CMPK2: variants seen among roughly 807,000 people sequenced by gnomAD.
CMPK2 encodes the protein UMP-CMP kinase 2, mitochondrial.
Under a neutral mutation model 33.4 loss-of-function variants are expected in CMPK2, and 32 were observed. The observed-to-expected ratio is 0.96, with a 90% confidence interval of 0.72 to 1.29. The LOEUF is 1.29. CMPK2 is among the 50% of genes most tolerant of loss of function. The pLI, the probability that CMPK2 is intolerant of heterozygous loss-of-function variation, is 0.00. For synonymous variants in CMPK2, 299 were observed against 275.3 expected (o/e 1.09, Z -0.85); for missense variants, 672 against 616.0 (o/e 1.09, Z -0.96).
chr2:6,865,224 C>T lies in CMPK2; in HGVS notation c.473G>A (p.Arg158His). Reference protein sequence around the residue: ...ELLGACQEAPRPHLGEFEADP... With the variant: ...ELLGACQEAPHPHLGEFEADP... ...GGCCTCGAACTCGCCCAAGTGCGGGCGTGGTGCCTCCTGACAGGCGCCCAG... is the reference window on the plus strand; with the variant it reads ...GGCCTCGAACTCGCCCAAGTGCGGGTGTGGTGCCTCCTGACAGGCGCCCAG... Residue 158 changes from arginine to histidine, a missense_variant, in exon 1 of 5, where the codon CGC becomes CAC. Transcript: ENST00000256722. 3 of 1,535,204 alleles carry T rather than the reference C, an allele frequency of 2.0e-6. No individual in the cohort carries two copies. Among genetic ancestry groups the T allele is most frequent in the Non-Finnish European group, 8.7e-7 (1 of 1,146,718 alleles).
intron 2 of CMPK2, among the ~76,000 whole-genome samples, chr2:6,862,361 C>T (rs1386520594): frequency 6.6e-6 from 1 of 152,156 alleles, no homozygotes; most frequent in Non-Finnish European, 1.5e-5. Context: ...CCAAACTCAC[C>T]CTCCTGATAG....
In CMPK2 at chr2:6,865,665, G is replaced by C; in HGVS notation, c.32C>G (p.Pro11Arg). Residue 11 changes from proline to arginine, a missense_variant, in exon 1 of 5, where the codon CCA becomes CGA. By Grantham distance (103) the Pro-to-Arg change is moderately radical. Transcript: ENST00000256722. Reference protein sequence around the residue: MAFARRLLRGPLSGPLLGRRG... With the variant: MAFARRLLRGRLSGPLLGRRG... The stretch of plus-strand genomic sequence containing the variant: ...CCGCCCGAGCAGCGGCCCCGACAGT[G>C]GCCCGCGCAGGAGCCGGCGGGCGAA... 7.6e-7 allele frequency: 1 copy of C among 1,311,696 alleles called. No homozygotes were observed. The highest frequency in any genetic ancestry group is 2.2e-5 in the South Asian group (1 of 45,046). 81.3% of individuals were successfully genotyped at this position (1,311,696 alleles called of 1,614,324 possible).
intron 3 of CMPK2, among the ~76,000 whole-genome samples, chr2:6,843,034 T>C (rs1458729163): frequency 6.6e-6 from 1 of 152,220 alleles, no homozygotes. Flanking sequence ...GAATATCATC[T>C]ACTTATTGTA....
chr2:6,846,430 CT>C (rs1196364069), downstream of CMPK2, among the ~76,000 whole-genome samples: 1 of 148,476 alleles, frequency 6.7e-6, no homozygotes, highest in Non-Finnish European at 1.5e-5. Context: ...CTTGAATTCC[CT>C]GTTTCCAGGA....
intron 3 of CMPK2, chr2:6,840,689 G>T (rs1232214737): frequency 1.4e-6 from 1 of 701,808 alleles, no homozygotes; most frequent in East Asian, 2.7e-5. Flanking sequence ...CTAGAGAGGG[G>T]AAAAGAGAGG....
At chr2:6,851,145 A>G (rs1662509396) in intron 4 of CMPK2, 1 of 1,213,270 alleles carries the variant, frequency 8.2e-7, no homozygotes, top group South Asian at 1.7e-5. Flanking sequence ...TGATTATACT[A>G]TGACTGGGGA....
rs1439666595 is a variant in CMPK2, at chr2:6,861,206, T to C, written c.970A>G (p.Lys324Glu). The C allele has an allele frequency of 6.2e-7, 1 of 1,614,116 alleles. No individual in the cohort carries two copies. The change falls in exon 3 of 5, where the codon AAA (lysine) becomes GAA (glutamate). Residue 324 changes from lysine to glutamate, a missense_variant. Lys to Glu is a moderately conservative substitution (Grantham distance 56). Transcript: ENST00000256722. ...VASEIAKESA[K>E]SPVIVDRYWH... The stretch of plus-strand genomic sequence containing the variant: ...TACCTGTCTACAATCACAGGAGATT[T>C]GGCAGATTCTTTAGCTATTTCGGAG...
intron 2 of CMPK2, 106 bp downstream of exon 2, chr2:6,863,358 C>T (rs749448150): frequency 7.8e-5 from 69 of 884,834 alleles, no homozygotes; most frequent in Non-Finnish European, 1.3e-4. Context: ...ACAGTAGGGG[C>T]ACACATAAGG....
Position 6,865,519 on chromosome 2 carries a change from G to C in CMPK2, c.178C>G (p.Pro60Ala). ...GGCCCCAGCAGCGCCGCCAGGCGGGGGTCGGGGGCGTCTGCGTCGCCGGGG... is the reference window on the plus strand; with the variant it reads ...GGCCCCAGCAGCGCCGCCAGGCGGGCGTCGGGGGCGTCTGCGTCGCCGGGG... Reference protein sequence around the residue: ...DAPGDADAPDPRLAALLGPPE... With the variant: ...DAPGDADAPDARLAALLGPPE... The change falls in exon 1 of 5, where the codon CCC (proline) becomes GCC (alanine). Residue 60 changes from proline (P) to alanine (A), a missense_variant. Pro to Ala is a conservative substitution (Grantham distance 27). Coordinates refer to ENST00000256722, the MANE Select transcript of CMPK2 (RefSeq NM_207315.4). 7.8e-7 allele frequency: 1 copy of C among 1,286,538 alleles called. No homozygotes were observed. The highest frequency in any genetic ancestry group is 2.4e-5 in the South Asian group (1 of 41,410). 79.7% of individuals were successfully genotyped at this position (1,286,538 alleles called of 1,614,324 possible).
intron 2 of CMPK2, chr2:6,862,158 CAACT>C (rs1443489072): frequency 1.3e-5 from 2 of 152,170 alleles, no homozygotes; most frequent in African/African-American, 4.8e-5. Flanking sequence ...ACTTTATTGC[CAACT>C]ATCTATTTTC....
In CMPK2 at chr2:6,848,467, C is replaced by A. The variant is rs371540948; in HGVS notation, c.*1383G>T. The A allele has an allele frequency of 1.0e-6, 1 of 979,344 alleles. No individual in the cohort carries two copies. Among genetic ancestry groups the A allele is most frequent in the East Asian group, 1.1e-4 (1 of 8,784 alleles). 60.7% of individuals were successfully genotyped at this position (979,344 alleles called of 1,614,324 possible). On this transcript the variant is annotated 3_prime_UTR_variant, in exon 5 of 5. Coordinates refer to ENST00000256722, the MANE Select transcript of CMPK2 (RefSeq NM_207315.4). ...AGCTAGATACCACATTGCAAAGAAC[C>A]CTAATGCTATTTATCAGCTTTAAAA... is the stretch of plus-strand genomic sequence containing the variant.
exon 4 of CMPK2, chr2:6,840,662 T>C (rs1174373295): frequency 2.8e-6 from 2 of 701,942 alleles, no homozygotes; most frequent in Non-Finnish European, 5.2e-6. Context: ...TGGTATAAGG[T>C]TCCTCCCAGC....
At chr2:6,863,726 C>T (rs902047257) in intron 1 of CMPK2, 148 bp from the exon 2 acceptor site, 4 of 602,200 alleles carry the variant, frequency 6.6e-6, no homozygotes, top group Non-Finnish European at 8.9e-6. Context: ...CAGAGTATTT[C>T]GATGCTAGGA....
chr2:6,858,813 C>G (rs998073736), intron 3 of CMPK2, among the ~76,000 whole-genome samples: 1 of 152,094 alleles, frequency 6.6e-6, no homozygotes, highest in Non-Finnish European at 1.5e-5. Flanking sequence ...TAAATTGGTA[C>G]CAGAAGTGGG....
chr2:6,865,977 C>T, upstream of CMPK2: 1 of 932,652 alleles, frequency 1.1e-6, no homozygotes, highest in Non-Finnish European at 1.4e-6. Context: ...GCTCCGCGGG[C>T]CTGCGCGGTC....
chr2:6,842,789 C>A (rs149952715), intron 3 of CMPK2, among the ~76,000 whole-genome samples: 7 of 152,110 alleles, frequency 4.6e-5, no homozygotes, highest in Non-Finnish European at 8.8e-5. Flanking sequence ...CTGCAAAAAA[C>A]CCCAAAATCC....
chr2:6,865,778 C>G lies in CMPK2; in HGVS notation c.-82G>C, dbSNP rs920825662. On this transcript the variant is annotated 5_prime_UTR_variant, in exon 1 of 5. Transcript: ENST00000256722. ...CCAGGCGCCGGCGGGAAACGAAACCCGGAGGGAGCCAGGCGCCAGCGGGAA... is the reference window on the plus strand; with the variant it reads ...CCAGGCGCCGGCGGGAAACGAAACCGGGAGGGAGCCAGGCGCCAGCGGGAA... 3.7e-5 allele frequency: 46 copies of G among 1,256,632 alleles called. No individual in the cohort carries two copies. Among genetic ancestry groups the G allele is most frequent in the Non-Finnish European group, 4.6e-5 (46 of 1,000,860 alleles). The allele number at this position is 1,256,632 out of a possible 1,614,324, so 77.8% of individuals were successfully genotyped here. A position where few individuals can be genotyped will look rare whatever the true frequency, so the allele number is the denominator to read the frequency against.
chr2:6,851,834 T>C, intron 3 of CMPK2, 151 bp from the exon 4 acceptor site: 1 of 624,614 alleles, frequency 1.6e-6, no homozygotes. Flanking sequence ...TTTTATAAAC[T>C]AAAAAAAGTT....
downstream of CMPK2, among the ~76,000 whole-genome samples, chr2:6,847,572 T>C (rs536323785): frequency 3.8e-4 from 58 of 152,304 alleles, 1 homozygote; most frequent in South Asian, 9.7e-3. Flanking sequence ...GGCTGCTTTT[T>C]ACATTATGTG....
Sources: allele counts gnomAD v4.1 joint callset (sites outside exome capture counted in the v4.1 genomes callset), GRCh38; gene constraint gnomAD v4.1.1; transcripts MANE v1.5; gene names NCBI Gene and HGNC (gene_info 2026-07-23, HGNC 2026-07-21).